TENM2: variants seen among roughly 807,000 people sequenced by gnomAD.
The protein encoded by TENM2 is teneurin transmembrane protein 2.
In TENM2, 52 loss-of-function variants were observed where a neutral mutation model predicts 245.2. That is an observed-to-expected ratio of 0.21 (90% CI 0.17 to 0.27). The LOEUF (loss-of-function observed/expected upper bound fraction) is 0.27, where lower values mean the gene tolerates loss of function less well. TENM2 is among the 10% of genes least tolerant of loss of function. The pLI is 1.00. For synonymous variants in TENM2, 1,363 were observed against 1,438.9 expected (o/e 0.95, Z 1.19); for missense variants, 3,046 against 3,666.8 (o/e 0.83, Z 4.37).
chr5:168,198,569 C>T (rs2152526715), intron 15 of TENM2, among the ~76,000 whole-genome samples: 1 of 152,310 alleles, frequency 6.6e-6, no homozygotes, highest in African/African-American at 2.4e-5. Flanking sequence ...GAGCTCTGCT[C>T]TACACTCATG....
chr5:168,195,372 G>A, intron 15 of TENM2, 77 bp downstream of exon 17: 1 of 1,512,724 alleles, frequency 6.6e-7, no homozygotes, highest in Non-Finnish European at 8.9e-7. Context: ...TGTTGGCTTG[G>A]AACCACAGGA....
intron 2 of TENM2, among the ~76,000 whole-genome samples, chr5:167,549,923 G>T (rs1772819732): frequency 6.6e-6 from 1 of 152,166 alleles, no homozygotes; most frequent in South Asian, 2.1e-4. Context: ...CATTTCCTTT[G>T]AATGAAAATG....
chr5:167,516,609 T>C (rs1210297323), intron 2 of TENM2, among the ~76,000 whole-genome samples: 1 of 152,222 alleles, frequency 6.6e-6, no homozygotes, highest in Non-Finnish European at 1.5e-5. Context: ...GCTAATGCTA[T>C]ATTAAATTGC....
At chr5:167,124,252 A>C in the TENM2 span, among the ~76,000 whole-genome samples, 1,792 of 152,346 alleles carry the variant, frequency 0.012, 26 homozygotes, top group Non-Finnish European at 0.02. Flanking sequence ...CAGAAACCAT[A>C]AAAGTTTTTG....
the TENM2 span, among the ~76,000 whole-genome samples, chr5:167,218,350 G>A: frequency 2.6e-5 from 4 of 152,112 alleles, no homozygotes; most frequent in East Asian, 3.9e-4. Context: ...TTATGAGAGC[G>A]GGAATTTTTT....
intron 4 of TENM2, among the ~76,000 whole-genome samples, chr5:167,976,292 C>A (rs1782441300): frequency 6.6e-6 from 1 of 152,012 alleles, no homozygotes; most frequent in South Asian, 2.1e-4. Flanking sequence ...ATTAGAACTT[C>A]ATTTCTCAAA....
At chr5:167,484,051 G>A (rs1373939094) in intron 2 of TENM2, among the ~76,000 whole-genome samples, 1 of 152,120 alleles carries the variant, frequency 6.6e-6, no homozygotes, top group Non-Finnish European at 1.5e-5. Context: ...ACTAAATTTA[G>A]AGTCATTTTG....
intron 20 of TENM2, chr5:168,214,698 A>G (rs1231195426): frequency 2.4e-6 from 1 of 416,850 alleles, no homozygotes. Context: ...GAAATTAAGG[A>G]GACTGCACAC....
At chr5:167,318,266 T>C (rs1460774111) in intron 1 of TENM2, among the ~76,000 whole-genome samples, 2 of 152,100 alleles carry the variant, frequency 1.3e-5, no homozygotes, top group East Asian at 3.9e-4. Flanking sequence ...GGAGAATACC[T>C]TGAGAAAATT....
At chr5:167,001,902 C>T in the TENM2 span, among the ~76,000 whole-genome samples, 1 of 152,118 alleles carries the variant, frequency 6.6e-6, no homozygotes, top group Non-Finnish European at 1.5e-5. Flanking sequence ...TTTTGCTGCT[C>T]CTGCCTTTAC....
intron 13 of TENM2, among the ~76,000 whole-genome samples, chr5:168,181,559 A>G (rs752831346): frequency 6.6e-6 from 1 of 152,180 alleles, no homozygotes; most frequent in Non-Finnish European, 1.5e-5. Context: ...GCTTTGGTAC[A>G]ACGATCTCTG....
the TENM2 span, among the ~76,000 whole-genome samples, chr5:167,060,166 T>G: frequency 1.3e-5 from 2 of 152,190 alleles, no homozygotes; most frequent in African/African-American, 4.8e-5. Context: ...AAATACACCT[T>G]ATATACTAAC....
chr5:166,982,606 C>T, the TENM2 span, among the ~76,000 whole-genome samples: 21 of 152,050 alleles, frequency 1.4e-4, no homozygotes, highest in Non-Finnish European at 2.5e-4. Context: ...AAGGGGGCAA[C>T]ATGAAAAGCC....
At chr5:167,021,151 A>C in the TENM2 span, among the ~76,000 whole-genome samples, 1 of 152,158 alleles carries the variant, frequency 6.6e-6, no homozygotes, top group African/African-American at 2.4e-5. Flanking sequence ...AAATAAAATA[A>C]AATAAAAAGG....
chr5:168,089,231 C>G (rs1024340509), intron 7 of TENM2, among the ~76,000 whole-genome samples: 1 of 152,118 alleles, frequency 6.6e-6, no homozygotes, highest in Admixed American at 6.6e-5. Flanking sequence ...CAAAGTTGTC[C>G]CCCGCTTCTC....
intron 7 of TENM2, among the ~76,000 whole-genome samples, chr5:168,083,367 A>T (rs879850025): frequency 5.9e-5 from 9 of 152,204 alleles, no homozygotes; most frequent in Admixed American, 1.3e-4. Context: ...TCCCTTGGCT[A>T]GGAAAGGGAA....
At chr5:167,167,177 G>A in the TENM2 span, among the ~76,000 whole-genome samples, 2 of 152,212 alleles carry the variant, frequency 1.3e-5, no homozygotes, top group East Asian at 3.9e-4. Flanking sequence ...GTTTTTTATT[G>A]GATCAGCAAG....
chr5:167,789,672 C>T (rs987215922), intron 2 of TENM2, among the ~76,000 whole-genome samples: 6 of 152,144 alleles, frequency 3.9e-5, no homozygotes, highest in African/African-American at 1.4e-4. Flanking sequence ...TCTCATAAAC[C>T]ATCTTAGTAT....
At chr5:167,386,343 G>A (rs907726226) in intron 2 of TENM2, among the ~76,000 whole-genome samples, 1 of 151,982 alleles carries the variant, frequency 6.6e-6, no homozygotes, top group African/African-American at 2.4e-5. Flanking sequence ...CTTGTCCTTA[G>A]CTTACTTTTT....
Sources: gnomAD v4.1 joint callset for allele counts (sites outside exome capture counted in the v4.1 genomes callset) on GRCh38, gnomAD v4.1.1 for gene constraint, MANE v1.5 for transcripts, NCBI Gene and HGNC (gene_info 2026-07-23, HGNC 2026-07-21) for gene names.